Variants in SH2B2 observed in about 807,000 individuals in gnomAD.
The protein encoded by SH2B2 is SH2B adaptor protein 2.
Under a neutral mutation model 35.7 loss-of-function variants are expected in SH2B2, and 37 were observed. The observed-to-expected ratio is 1.04, with a 90% CI of 0.80 to 1.36. The LOEUF (loss-of-function observed/expected upper bound fraction) is 1.36. Among genes scored for constraint, SH2B2 ranks in the 40% most tolerant of loss-of-function variants. SH2B2 has a pLI of 0.00. For synonymous variants in SH2B2, 383 were observed against 376.4 expected, an observed-to-expected ratio of 1.02 and a Z score of -0.20; for missense variants, 852 against 817.7, an observed-to-expected ratio of 1.04 and a Z score of -0.51.
Position 102,301,139 on chromosome 7 carries a change from G to T in SH2B2, c.589G>T (p.Glu197Ter). The T allele has an allele frequency of 6.5e-7, 1 of 1,528,244 alleles. No individual in the cohort carries two copies. Among genetic ancestry groups the T allele is most frequent in the Non-Finnish European group, 8.8e-7 (1 of 1,142,420 alleles). 94.7% of individuals were successfully genotyped at this position (1,528,244 alleles called of 1,614,324 possible). Residue 197 changes from glutamate (E) to a stop codon, truncating the protein, a stop_gained, in exon 2 of 9, where the codon GAG (glutamate) becomes TAG (stop). Transcript: ENST00000444095. LOFTEE classifies it high-confidence loss of function. ...GGTGGAGCTGGTGGACATTCAACGC[G>T]AGGGGGCGCTGCGCTTCATGGTGGC... The part of the protein sequence containing the change: ...AKVELVDIQR[E>*]GALRFMVADD...
chr7:102,297,868 G>A lies in SH2B2; in HGVS notation c.-29-2654G>A, dbSNP rs1554552794. The stretch of plus-strand genomic sequence containing the variant: ...GACAGCCGGCAATAAGGATAATGGT[G>A]AAAATAGGCAGAGTGCATGAACGCA... On this transcript the variant is annotated intron_variant, in intron 1 of 8. Transcript: ENST00000444095. This position sits in a 1 kb window ranked among gnomAD's most constrained non-coding sequence, Gnocchi z 4.3. Among the ~76,000 whole-genome samples, 3 of 152,188 alleles carry A rather than the reference G, an allele frequency of 2.0e-5. No homozygotes were observed. The highest frequency in any genetic ancestry group is 7.2e-5 in the African/African-American group (3 of 41,448).
intron 1 of SH2B2, among the ~76,000 whole-genome samples, chr7:102,291,964 A>G (rs190498782): frequency 6.6e-6 from 1 of 152,282 alleles, no homozygotes; most frequent in African/African-American, 2.4e-5. Context: ...TGCCCCACCG[A>G]GGCCAGGAGG....
intron 6 of SH2B2, 34 bp from the exon 7 acceptor site, chr7:102,317,150 TCCC>T (rs782410817): frequency 6.7e-7 from 1 of 1,493,608 alleles, no homozygotes; most frequent in East Asian, 2.5e-5. Flanking sequence ...CCTTTCTCCT[TCCC>T]CCCATGTTCC....
intron 2 of SH2B2, among the ~76,000 whole-genome samples, chr7:102,301,559 CGT>C (rs144412397): frequency 0.013 from 1,838 of 144,690 alleles, 21 homozygotes; most frequent in Admixed American, 0.021. Flanking sequence ...TGTGTGTGTC[CGT>C]GTGTGTGTGT....
rs1554557287 is a variant in SH2B2, at chr7:102,317,384, G to C, written c.1384G>C (p.Gly462Arg). The C allele has an allele frequency of 6.3e-7, 1 of 1,579,784 alleles. No individual in the cohort carries two copies. Among genetic ancestry groups the C allele is most frequent in the East Asian group, 2.3e-5 (1 of 44,136 alleles). ...GEYVLTFNFQGKAKHLRLSLN... is the reference protein window; with the variant it reads ...GEYVLTFNFQRKAKHLRLSLN... ...GTACGTGCTGACCTTCAACTTCCAG[G>C]GCAAGGCCAAGGCAAGTGTGTGGGG... Residue 462 changes from glycine (G) to arginine (R), a missense_variant, in exon 7 of 9, where the codon GGC becomes CGC. Gly to Arg is a moderately radical substitution (Grantham distance 125). This residue lies in a region of SH2B2 where 556 missense variants were observed against 514.5 expected (regional missense o/e 1.08). Coordinates refer to ENST00000444095, the MANE Select transcript of SH2B2 (RefSeq NM_001359228.2).
At chr7:102,308,144 G>T (rs552495102) in intron 3 of SH2B2, among the ~76,000 whole-genome samples, 116 of 152,340 alleles carry the variant, frequency 7.6e-4, no homozygotes, top group African/African-American at 2.7e-3. Flanking sequence ...AGAGACCTGG[G>T]TTCAGGCCCT....
Position 102,297,563 on chromosome 7 carries a change from C to T in SH2B2, c.-29-2959C>T, listed in dbSNP as rs781826147. On this transcript the variant is annotated intron_variant, in intron 1 of 8. Transcript: ENST00000444095. This position sits in a 1 kb window ranked among gnomAD's most constrained non-coding sequence, Gnocchi z 4.3. ...GGAGACCCCTCAAGTCCTGGAGTCA[C>T]TGCAGACCTGGGCGAGAACCCTGGA... Among the ~76,000 whole-genome samples, 11 of 152,212 alleles carry T rather than the reference C, an allele frequency of 7.2e-5. No individual in the cohort carries two copies. Among genetic ancestry groups the T allele is most frequent in the Non-Finnish European group, 1.5e-4 (10 of 68,044 alleles).
chr7:102,301,147 G>A lies in SH2B2; in HGVS notation c.597G>A (p.Ala199=). The change falls in exon 2 of 9, where the codon GCG becomes GCA. Residue 199 remains alanine, a synonymous_variant. Transcript: ENST00000444095. ...VELVDIQREG[A]LRFMVADDAA... ...TGGTGGACATTCAACGCGAGGGGGC[G>A]CTGCGCTTCATGGTGGCCGACGACG... The A allele has an allele frequency of 6.5e-7, 1 of 1,548,978 alleles. No homozygotes were observed. Among genetic ancestry groups the A allele is most frequent in the Non-Finnish European group, 8.7e-7 (1 of 1,151,818 alleles).
Position 102,321,630 on chromosome 7 carries a change from G to A in SH2B2, c.1899G>A (p.Ter633=). Residue 633 remains the stop codon, a stop_retained_variant, in exon 9 of 9, where the codon TAG becomes TAA. Coordinates refer to ENST00000444095, the MANE Select transcript of SH2B2 (RefSeq NM_001359228.2). ...TGGAGAACCAGTACTCCTTCTACTA[G>A]CCCGCGGCGCCGCCCGGGTGGGACA... The part of the protein sequence containing the change: ...RAVENQYSFY[*] The A allele has an allele frequency of 8.8e-7, 1 of 1,141,822 alleles. No homozygotes were observed. The highest frequency in any genetic ancestry group is 1.1e-6 in the Non-Finnish European group (1 of 928,850). The allele number at this position is 1,141,822 out of a possible 1,614,324, so 70.7% of individuals were successfully genotyped here. A position where few individuals can be genotyped will look rare whatever the true frequency, so the allele number is the denominator to read the frequency against.
intron 1 of SH2B2, among the ~76,000 whole-genome samples, chr7:102,299,509 G>C (rs1793065136): frequency 6.6e-6 from 1 of 151,990 alleles, no homozygotes; most frequent in Non-Finnish European, 1.5e-5. Flanking sequence ...CTTGAGTTTT[G>C]GAAATGACTG....
rs1283397494 is a variant in SH2B2, at chr7:102,286,991, G to A, written c.-133G>A. The A allele has an allele frequency of 6.6e-6, 1 of 150,834 alleles. No individual in the cohort carries two copies. The highest frequency in any genetic ancestry group is 2.4e-5 in the African/African-American group (1 of 41,204). The allele number at this position is 150,834 out of a possible 1,614,324, so 9.3% of individuals were successfully genotyped here. On this transcript the variant is annotated 5_prime_UTR_variant, in exon 1 of 9. Transcript: ENST00000444095. ...GGCGGTGAACGAGGGAGGGAGCCCA[G>A]TCCGCCGCGGGCCATGAGCCACCGG...
Position 102,301,200 on chromosome 7 carries a change from A to G in SH2B2, c.650A>G (p.Gln217Arg), listed in dbSNP as rs782189538. ...DAAAGSGGSAQWQKCRLLLRR... is the reference protein window; with the variant it reads ...DAAAGSGGSARWQKCRLLLRR... ...GCCGCGGGCTCCGGGGGCTCGGCTC[A>G]GTGGCAGAAGTGCCGCCTGCTCCTG... Residue 217 changes from glutamine to arginine, a missense_variant, in exon 2 of 9, where the codon CAG becomes CGG. Around this residue, in one of 3 missense-constraint regions of SH2B2, gnomAD observed 556 missense variants for 514.5 expected, o/e 1.08. Transcript: ENST00000444095. 1.9e-6 allele frequency: 3 copies of G among 1,591,478 alleles called. No individual in the cohort carries two copies. The highest frequency in any genetic ancestry group is 2.6e-6 in the Non-Finnish European group (3 of 1,170,758).
chr7:102,294,673 G>A (rs1792831370), intron 1 of SH2B2, among the ~76,000 whole-genome samples: 1 of 152,144 alleles, frequency 6.6e-6, no homozygotes, highest in African/African-American at 2.4e-5. Flanking sequence ...GGTGGGGACA[G>A]TGCACTCCTG....
chr7:102,320,583 G>A (rs1335171511), intron 8 of SH2B2, 81 bp downstream of exon 8: 2 of 1,495,710 alleles, frequency 1.3e-6, no homozygotes, highest in Non-Finnish European at 1.8e-6. Context: ...CCTGGGGTGG[G>A]ATGAGCCCCA....
intron 3 of SH2B2, among the ~76,000 whole-genome samples, chr7:102,308,283 A>G (rs1272638662): frequency 6.6e-6 from 1 of 152,234 alleles, no homozygotes; most frequent in African/African-American, 2.4e-5. Context: ...AGTTGAGCAG[A>G]ATGCAGGGTT....
chr7:102,301,218 T>G lies in SH2B2; in HGVS notation c.668T>G (p.Leu223Arg). The G allele has an allele frequency of 6.3e-7, 1 of 1,597,322 alleles. No individual in the cohort carries two copies. Among genetic ancestry groups the G allele is most frequent in the Non-Finnish European group, 8.5e-7 (1 of 1,173,348 alleles). The change falls in exon 2 of 9, where the codon CTG (leucine) becomes CGG (arginine). Residue 223 changes from leucine (L) to arginine (R), a missense_variant. By Grantham distance (102) the Leu-to-Arg change is moderately radical. Coordinates refer to ENST00000444095, the MANE Select transcript of SH2B2 (RefSeq NM_001359228.2). ...TCGGCTCAGTGGCAGAAGTGCCGCC[T>G]GCTCCTGCGCAGGGCTGTGGCCGAG... ...GGSAQWQKCR[L>R]LLRRAVAEER...
intron 4 of SH2B2, 37 bp from the exon 5 acceptor site, chr7:102,314,299 C>T: frequency 5.0e-6 from 2 of 398,624 alleles, no homozygotes; most frequent in Non-Finnish European, 8.8e-6. Context: ...GTCCAAGTCC[C>T]ACGGCAGGAC....
upstream of SH2B2, among the ~76,000 whole-genome samples, chr7:102,286,057 A>G (rs559383388): frequency 1.3e-5 from 2 of 152,290 alleles, no homozygotes; most frequent in African/African-American, 4.8e-5. Flanking sequence ...CCTCAGCCCC[A>G]CTGGTCTCTG....
At chr7:102,313,716 C>G (rs1793710762) in intron 4 of SH2B2, among the ~76,000 whole-genome samples, 1 of 151,940 alleles carries the variant, frequency 6.6e-6, no homozygotes, top group South Asian at 2.1e-4. Flanking sequence ...TTGAGACCAG[C>G]CTGGCCAACA....
Sources: allele counts gnomAD v4.1 joint callset (sites outside exome capture counted in the v4.1 genomes callset), GRCh38; gene constraint gnomAD v4.1.1; regional missense constraint gnomAD v4.1.1; non-coding constraint Gnocchi (gnomAD v3.1); transcripts MANE v1.5; gene names NCBI Gene and HGNC (gene_info 2026-07-23, HGNC 2026-07-21).